PSEN1: variants seen among roughly 807,000 people sequenced by gnomAD.
The protein encoded by PSEN1 is presenilin-1.
PSEN1 carries 15 observed loss-of-function variants against 53.5 expected under a neutral mutation model. That is an observed-to-expected ratio of 0.28 (90% CI 0.19 to 0.43). The LOEUF is 0.43. PSEN1 is among the 20% of genes least tolerant of loss of function. The probability of loss-of-function intolerance (pLI) is 1.00; values close to 1 mark genes in which losing one functional copy is unlikely to be tolerated. For missense variants in PSEN1, 387 were observed against 571.2 expected (o/e 0.68, Z 3.29); for synonymous variants, 208 against 209.8 (o/e 0.99, Z 0.08).
chr14:73,150,191 G>T (rs1897177377), intron 3 of PSEN1, among the ~76,000 whole-genome samples: 1 of 151,948 alleles, frequency 6.6e-6, no homozygotes, highest in African/African-American at 2.4e-5. Flanking sequence ...CTGTTTTTTT[G>T]ATAAGCTTTT....
At position 73,143,988 on chromosome 14, in the gene PSEN1, TAAAAAAAAAAAA is replaced by T. The variant is rs530235019; in HGVS notation, c.-135-3791_-135-3780del. On this transcript the variant is annotated intron_variant, in intron 1 of 11. Coordinates refer to ENST00000324501, the MANE Select transcript of PSEN1 (RefSeq NM_000021.4). ...GGTGACAGAGTGAGACCTTGTCTCT[TAAAAAAAAAAAA>T]AAAAAAAAAAAAAAAGATTTGCATT... Among the ~76,000 whole-genome samples, 4 of 53,196 alleles carry T rather than the reference TAAAAAAAAAAAA, an allele frequency of 7.5e-5. No individual in the cohort carries two copies. In the East Asian group the frequency reaches 2.3e-3, roughly 31 times the overall value. The allele number at this position is 53,196 out of a possible 152,430, so 34.9% of individuals were successfully genotyped here.
intron 1 of PSEN1, chr14:73,139,442 G>A (rs549467030): frequency 6.6e-6 from 1 of 151,408 alleles, no homozygotes; most frequent in East Asian, 2.0e-4. Flanking sequence ...TTAGCCGGGT[G>A]TGTTGGCGTG....
intron 3 of PSEN1, among the ~76,000 whole-genome samples, chr14:73,153,019 C>A (rs1438176818): frequency 6.6e-6 from 1 of 152,186 alleles, no homozygotes; most frequent in East Asian, 1.9e-4. Context: ...CATTGTACTC[C>A]AGCCTAGGTG....
intron 5 of PSEN1, among the ~76,000 whole-genome samples, chr14:73,178,683 T>C (rs1898116406): frequency 6.6e-6 from 1 of 152,240 alleles, no homozygotes; most frequent in African/African-American, 2.4e-5. Flanking sequence ...TATTTTTAGT[T>C]CTAAAATTCC....
Position 73,170,713 on chromosome 14 carries a change from G to T in PSEN1, c.88-84G>T, listed in dbSNP as rs189861859. 3.8e-3 allele frequency: 5,457 copies of T among 1,427,344 alleles called. 8 individuals are homozygous for T. The highest frequency in any genetic ancestry group is 4.5e-3 in the Non-Finnish European group (4,623 of 1,021,804). 88.4% of individuals were successfully genotyped at this position (1,427,344 alleles called of 1,614,324 possible). ...AGGTTTTTAGAACTCATAGTGACGG[G>T]TCTGTTGTTAATCCCAGGTCTAACC... On this transcript the variant is annotated intron_variant, in intron 3 of 11. Transcript: ENST00000324501.
At position 73,148,949 on chromosome 14, in the gene PSEN1, CAATA is replaced by C. The variant is rs1897145391; in HGVS notation, c.87+852_87+855del. On this transcript the variant is annotated intron_variant, in intron 3 of 11. Coordinates refer to ENST00000324501, the MANE Select transcript of PSEN1 (RefSeq NM_000021.4). ...TCCATCTCAAAAATAAATAAATAAA[CAATA>C]AATAAATAGAGAAAAAGAAAGAAAA... 3.3e-5 allele frequency among the ~76,000 whole-genome samples: 5 copies of C among 151,904 alleles called. No individual in the cohort carries two copies. In the South Asian group the frequency reaches 1.0e-3, roughly 32 times the overall value.
intron 5 of PSEN1, 45 bp downstream of exon 5, chr14:73,173,752 A>ATGGT (rs1323575461): frequency 6.3e-7 from 1 of 1,598,082 alleles, no homozygotes; most frequent in African/African-American, 1.3e-5. Context: ...TGTTCTTCTT[A>ATGGT]TGGTTGGGTA....
intron 1 of PSEN1, among the ~76,000 whole-genome samples, chr14:73,139,010 G>A (rs1472270179): frequency 6.6e-6 from 1 of 151,218 alleles, no homozygotes; most frequent in African/African-American, 2.4e-5. Context: ...GTGGCCGGGC[G>A]CAGCGGCTCA....
intron 5 of PSEN1, chr14:73,173,932 T>C (rs771944685): frequency 3.2e-6 from 2 of 634,522 alleles, no homozygotes; most frequent in Admixed American, 5.1e-5. Context: ...GGAGGATCAC[T>C]TGGGCCCAGG....
At chr14:73,204,250 C>T (rs1030862884) in intron 8 of PSEN1, among the ~76,000 whole-genome samples, 6 of 150,416 alleles carry the variant, frequency 4.0e-5, no homozygotes, top group East Asian at 1.9e-4. Context: ...CACCCACCTC[C>T]GACTCCCAAA....
chr14:73,160,388 TC>T (rs1897494272), intron 3 of PSEN1, among the ~76,000 whole-genome samples: 1 of 152,228 alleles, frequency 6.6e-6, no homozygotes, highest in Non-Finnish European at 1.5e-5. Context: ...TGTTTGTAAT[TC>T]AGTTCGTTTT....
intron 3 of PSEN1, among the ~76,000 whole-genome samples, chr14:73,165,373 C>T (rs973207987): frequency 2.0e-5 from 3 of 152,190 alleles, no homozygotes; most frequent in Admixed American, 6.5e-5. Flanking sequence ...TAGGCTCAAA[C>T]GATTCTCCTG....
At chr14:73,156,040 C>T (rs145214439) in intron 3 of PSEN1, among the ~76,000 whole-genome samples, 1,747 of 152,126 alleles carry the variant, frequency 0.011, 16 homozygotes, top group South Asian at 0.032. Flanking sequence ...TCTAAGTTTG[C>T]ATTTAAAAAT....
At chr14:73,169,756 C>T (rs931095257) in intron 3 of PSEN1, among the ~76,000 whole-genome samples, 3 of 152,046 alleles carry the variant, frequency 2.0e-5, no homozygotes, top group African/African-American at 7.2e-5. Flanking sequence ...GGTGATTCTC[C>T]TGCCGTAGCC....
intron 5 of PSEN1, among the ~76,000 whole-genome samples, chr14:73,184,126 C>T (rs1486049714): frequency 1.7e-5 from 2 of 114,792 alleles, no homozygotes; most frequent in African/African-American, 3.8e-5. Context: ...ACCTCCCTCC[C>T]GGACAGGGCG....
At chr14:73,219,089 T>TTCA in intron 11 of PSEN1, 45 bp from the exon 12 acceptor site, 4 of 1,601,654 alleles carry the variant, frequency 2.5e-6, no homozygotes, top group Non-Finnish European at 3.4e-6. Context: ...TGAAAATGCT[T>TTCA]TCATAATTAT....
rs886050663 is a variant in PSEN1 at position 73,148,098 on chromosome 14, C to T, written c.79C>T (p.Arg27Cys). 1.1e-5 allele frequency: 18 copies of T among 1,612,030 alleles called. No homozygotes were observed. Among genetic ancestry groups the T allele is most frequent in the Middle Eastern group, 1.7e-4 (1 of 6,048 alleles). The change falls in exon 3 of 12, where the codon CGT becomes TGT. Residue 27 changes from arginine to cysteine, a missense_variant. Arg to Cys is a radical substitution (Grantham distance 180). Around this residue, in one of 4 missense-constraint regions of PSEN1, gnomAD observed 99 missense variants for 101.5 expected, o/e 0.98. Transcript: ENST00000324501. ...GGACAACCACCTGAGCAATACTGTA[C>T]GTAGCCAGGTACAGTGTCAGTCTCT... ...SEDNHLSNTVRSQNDNRERQE... is the reference protein window; with the variant it reads ...SEDNHLSNTVCSQNDNRERQE...
intron 8 of PSEN1, 65 bp downstream of exon 8, chr14:73,198,194 G>GTCATTTTCATGGTACTTGTTCTCATCT: frequency 1.1e-6 from 1 of 924,116 alleles, no homozygotes; most frequent in Non-Finnish European, 1.8e-6. Flanking sequence ...TGAAGCACAT[G>GTCATTTTCATGGTACTTGTTCTCATCT]TAACTATGGT....
intron 3 of PSEN1, among the ~76,000 whole-genome samples, chr14:73,169,839 T>G (rs1050569300): frequency 5.9e-5 from 9 of 152,074 alleles, no homozygotes; most frequent in African/African-American, 2.2e-4. Flanking sequence ...AGAGACGGGG[T>G]TTCACCATGT....
Sources: allele counts gnomAD v4.1 joint callset (sites outside exome capture counted in the v4.1 genomes callset), GRCh38; gene constraint gnomAD v4.1.1; regional missense constraint gnomAD v4.1.1; transcripts MANE v1.5; gene names NCBI Gene and HGNC (gene_info 2026-07-23, HGNC 2026-07-21).